MARCHF1: variants seen among roughly 807,000 people sequenced by gnomAD.
The protein encoded by MARCHF1 is membrane associated ring-CH-type finger 1.
In MARCHF1, 40 loss-of-function variants were observed where a neutral mutation model predicts 54.2. The observed-to-expected ratio is 0.74, with a 90% CI of 0.57 to 0.96. The LOEUF is 0.96. MARCHF1 is among the 40% of genes least tolerant of loss of function. The pLI is 0.00. For synonymous variants in MARCHF1, 236 were observed against 236.3 expected (o/e 1.00, Z 0.01); for missense variants, 586 against 656.5 (o/e 0.89, Z 1.17).
At chr4:163,930,607 C>T (rs1303193490) in intron 3 of MARCHF1, among the ~76,000 whole-genome samples, 4 of 151,840 alleles carry the variant, frequency 2.6e-5, no homozygotes, top group African/African-American at 9.7e-5. Flanking sequence ...ATGCCTGTTC[C>T]ACCATCATAT....
chr4:163,665,882 A>T (rs963284164), intron 5 of MARCHF1, among the ~76,000 whole-genome samples: 1 of 152,128 alleles, frequency 6.6e-6, no homozygotes, highest in Non-Finnish European at 1.5e-5. Context: ...TACCAAGATA[A>T]TCTCTCAGAG....
chr4:163,905,024 ATATCATT>A (rs1751034371), intron 3 of MARCHF1, among the ~76,000 whole-genome samples: 1 of 152,072 alleles, frequency 6.6e-6, no homozygotes, highest in Non-Finnish European at 1.5e-5. Flanking sequence ...TATTTAAGAT[ATATCATT>A]AATAAAAATT....
chr4:163,813,332 T>TG (rs1189815912), intron 4 of MARCHF1, among the ~76,000 whole-genome samples: 12 of 152,228 alleles, frequency 7.9e-5, no homozygotes, highest in Admixed American at 7.9e-4. Context: ...CTTTGTATGT[T>TG]AGTCAATGTC....
At chr4:164,189,572 TC>T in intron 1 of MARCHF1, 1 of 930,176 alleles carries the variant, frequency 1.1e-6, no homozygotes, top group Non-Finnish European at 1.8e-6. Flanking sequence ...GGTGCTGCTG[TC>T]CAGGCTGGAG....
At chr4:163,828,790 G>C (rs923732610) in intron 4 of MARCHF1, 2 of 152,158 alleles carry the variant, frequency 1.3e-5, no homozygotes, top group Non-Finnish European at 1.5e-5. Flanking sequence ...TATAACAGGA[G>C]AGTGTAAGAA....
chr4:164,054,049 A>G (rs1415595926), intron 2 of MARCHF1, among the ~76,000 whole-genome samples: 2 of 152,038 alleles, frequency 1.3e-5, no homozygotes, highest in African/African-American at 4.8e-5. Context: ...AATATCTAGA[A>G]TCTACAATGA....
intron 7 of MARCHF1, among the ~76,000 whole-genome samples, chr4:163,598,892 CT>C (rs1314424694): frequency 7.9e-5 from 12 of 152,176 alleles, no homozygotes; most frequent in Admixed American, 7.9e-4. Flanking sequence ...TGTTTTTAAA[CT>C]TTTCGACTCT....
chr4:164,146,789 A>G (rs1469505318), intron 1 of MARCHF1, among the ~76,000 whole-genome samples: 2 of 152,170 alleles, frequency 1.3e-5, no homozygotes, highest in Non-Finnish European at 2.9e-5. Context: ...TAAAACACCA[A>G]AAGCAATGGC....
intron 1 of MARCHF1, among the ~76,000 whole-genome samples, chr4:164,212,134 GA>G (rs1731794578): frequency 1.3e-5 from 2 of 151,670 alleles, no homozygotes; most frequent in African/African-American, 4.8e-5. Flanking sequence ...AAGAGGAGGA[GA>G]AAGAGAAAGA....
At chr4:163,732,645 A>G (rs1348598138) in intron 4 of MARCHF1, among the ~76,000 whole-genome samples, 2 of 152,190 alleles carry the variant, frequency 1.3e-5, no homozygotes, top group Non-Finnish European at 2.9e-5. Flanking sequence ...TGTACAGAGG[A>G]GCAAAACTAA....
At chr4:163,754,359 C>A (rs1202551191) in intron 4 of MARCHF1, among the ~76,000 whole-genome samples, 1 of 152,024 alleles carries the variant, frequency 6.6e-6, no homozygotes, top group Non-Finnish European at 1.5e-5. Context: ...GGAGTTTATT[C>A]AAAATGAAAT....
In MARCHF1 at chr4:163,967,990, C is replaced by T. The variant is rs534945246; in HGVS notation, c.-39+20511G>A. ...TTTAAATGTTAATCTCATCCAAAACCATCTTCTAAAATCATTACTGTGGTC... is the reference window on the plus strand; with the variant it reads ...TTTAAATGTTAATCTCATCCAAAACTATCTTCTAAAATCATTACTGTGGTC... On this transcript the variant is annotated intron_variant, in intron 3 of 9. Coordinates refer to ENST00000514618, the MANE Select transcript of MARCHF1 (RefSeq NM_001394959.1). 3.3e-5 allele frequency among the ~76,000 whole-genome samples: 5 copies of T among 152,180 alleles called. No individual in the cohort carries two copies. The South Asian group carries it at 8.3e-4, about 25-fold the overall frequency.
intron 1 of MARCHF1, among the ~76,000 whole-genome samples, chr4:164,382,748 A>G (rs1272778128): frequency 6.6e-6 from 1 of 152,140 alleles, no homozygotes; most frequent in East Asian, 1.9e-4. Context: ...GCCAAGCAAA[A>G]AGCCAGGGGG....
rs764412787 is a variant in MARCHF1 at position 163,528,776 on chromosome 4, C to T, written c.1610G>A (p.Gly537Asp). The stretch of plus-strand genomic sequence containing the variant: ...GACTGATACAACTTCAGGGGGGCCA[C>T]CCTCTGCAGATGGCAGTGAATTTGC... ...TGANSLPSAE[G>D]GPPEVVSV The change falls in exon 10 of 10, where the codon GGT (glycine) becomes GAT (aspartate). Residue 537 changes from glycine to aspartate, a missense_variant. Physicochemically the swap from Gly to Asp is moderately conservative, Grantham distance 94. Coordinates refer to ENST00000514618, the MANE Select transcript of MARCHF1 (RefSeq NM_001394959.1). 6.2e-7 allele frequency: 1 copy of T among 1,612,572 alleles called. No individual in the cohort carries two copies. Among genetic ancestry groups the T allele is most frequent in the Non-Finnish European group, 8.5e-7 (1 of 1,179,034 alleles).
chr4:164,106,956 G>A (rs1030112750), intron 2 of MARCHF1, among the ~76,000 whole-genome samples: 1 of 152,078 alleles, frequency 6.6e-6, no homozygotes, highest in Non-Finnish European at 1.5e-5. Flanking sequence ...ACCATATGCA[G>A]AAGATCTTTG....
chr4:163,728,960 G>GT (rs1745748581), intron 4 of MARCHF1, among the ~76,000 whole-genome samples: 1 of 152,034 alleles, frequency 6.6e-6, no homozygotes, highest in African/African-American at 2.4e-5. Flanking sequence ...TCTATTCCTA[G>GT]TTTTCTGGGA....
At chr4:164,210,739 A>C (rs1731739888) in intron 1 of MARCHF1, among the ~76,000 whole-genome samples, 1 of 152,120 alleles carries the variant, frequency 6.6e-6, no homozygotes, top group Admixed American at 6.5e-5. Context: ...AGGCAGGAGG[A>C]ATCTGACTCC....
Position 163,970,454 on chromosome 4 carries a change from TG to T in MARCHF1, c.-39+18046del, listed in dbSNP as rs1401936737. Among the ~76,000 whole-genome samples the T allele has an allele frequency of 7.2e-5, 11 of 152,298 alleles. No individual in the cohort carries two copies. The East Asian group carries it at 1.9e-3, about 27-fold the overall frequency. ...TAGTAAGTACTCAATAAATGTTTGATGGAAGAACGGATACATGGACGGATGG... is the reference window on the plus strand; with the variant it reads ...TAGTAAGTACTCAATAAATGTTTGATGAAGAACGGATACATGGACGGATGG... On this transcript the variant is annotated intron_variant, in intron 3 of 9. Coordinates refer to ENST00000514618, the MANE Select transcript of MARCHF1 (RefSeq NM_001394959.1).
At position 163,611,213 on chromosome 4, in the gene MARCHF1, C is replaced by A. The variant is rs530692380; in HGVS notation, c.1010+1058G>T. Among the ~76,000 whole-genome samples the A allele has an allele frequency of 2.0e-5, 3 of 152,060 alleles. No individual in the cohort carries two copies. The East Asian group carries it at 5.8e-4, about 29-fold the overall frequency. ...TCAATGTCTAGAATAAAGCTTAATG[C>A]ATAATAGATGCTTGAATACATATAT... is the stretch of plus-strand genomic sequence containing the variant. On this transcript the variant is annotated intron_variant, in intron 7 of 9. Transcript: ENST00000514618.
Sources: gnomAD v4.1 joint callset for allele counts (sites outside exome capture counted in the v4.1 genomes callset) on GRCh38, gnomAD v4.1.1 for gene constraint, MANE v1.5 for transcripts, NCBI Gene and HGNC (gene_info 2026-07-23, HGNC 2026-07-21) for gene names.